Variants in MVB12B observed in about 807,000 individuals in gnomAD.
The protein encoded by MVB12B is multivesicular body subunit 12B, also known as ESCRT-I complex subunit MVB12B.
Under a neutral mutation model 41.6 loss-of-function variants are expected in MVB12B, and 16 were observed. The ratio of observed to expected loss-of-function variants is 0.38; its 90% CI spans 0.26 to 0.58. MVB12B has a LOEUF of 0.58. Ranked by LOEUF, MVB12B falls within the 20% of genes least tolerant of loss-of-function variation. The pLI is 0.62. For missense variants in MVB12B, 274 were observed against 380.2 expected (o/e 0.72, Z 2.32); for synonymous variants, 133 against 139.7 (o/e 0.95, Z 0.34).
At chr9:126,461,350 G>A (rs952627246) in intron 7 of MVB12B, among the ~76,000 whole-genome samples, 6 of 151,996 alleles carry the variant, frequency 3.9e-5, no homozygotes, top group Non-Finnish European at 8.8e-5. Context: ...TAAAACAATC[G>A]AGAAACAATT....
chr9:126,390,689 G>T (rs777988478), intron 4 of MVB12B, among the ~76,000 whole-genome samples: 1 of 152,140 alleles, frequency 6.6e-6, no homozygotes. Context: ...GGCCAGGCGC[G>T]GTGGCTCACG....
At chr9:126,359,737 C>T (rs1005681491) in intron 2 of MVB12B, among the ~76,000 whole-genome samples, 7 of 152,128 alleles carry the variant, frequency 4.6e-5, no homozygotes, top group Non-Finnish European at 7.4e-5. Context: ...AGAATGTACT[C>T]TCTTTTATTC....
chr9:126,470,643 GCT>G (rs1554783713), intron 7 of MVB12B, among the ~76,000 whole-genome samples: 1 of 76,898 alleles, frequency 1.3e-5, no homozygotes, highest in South Asian at 6.2e-4. Flanking sequence ...AGGAGTCAGT[GCT>G]CTGTGTGTGT....
chr9:126,328,570 T>A (rs1159745999), intron 1 of MVB12B, among the ~76,000 whole-genome samples: 3 of 152,186 alleles, frequency 2.0e-5, no homozygotes, highest in African/African-American at 7.2e-5. Flanking sequence ...AGTTTCAGTT[T>A]CCTCATCTGT....
chr9:126,434,867 G>A (rs1187926966), intron 7 of MVB12B, among the ~76,000 whole-genome samples: 1 of 152,148 alleles, frequency 6.6e-6, no homozygotes, highest in African/African-American at 2.4e-5. Context: ...GGAGTTCAGG[G>A]TTCATTCTGG....
intron 7 of MVB12B, among the ~76,000 whole-genome samples, chr9:126,430,280 C>T (rs1832295508): frequency 6.6e-6 from 1 of 152,162 alleles, no homozygotes; most frequent in East Asian, 1.9e-4. Flanking sequence ...ACAACCAGCC[C>T]CACCCGTGTC....
intron 3 of MVB12B, among the ~76,000 whole-genome samples, chr9:126,382,963 G>A (rs1830675848): frequency 6.6e-6 from 1 of 152,178 alleles, no homozygotes; most frequent in East Asian, 1.9e-4. Context: ...AGAGGACAAG[G>A]GCAGTGTGAA....
At position 126,503,368 on chromosome 9, in the gene MVB12B, C is replaced by T; in HGVS notation, c.*105C>T. ...CCGCCTCCGCCAGCCCTCCCTCCCACACTGCCCCAGCAGGGCTGGCCCGGA... is the reference window on the plus strand; with the variant it reads ...CCGCCTCCGCCAGCCCTCCCTCCCATACTGCCCCAGCAGGGCTGGCCCGGA... On this transcript the variant is annotated 3_prime_UTR_variant, in exon 10 of 10. Transcript: ENST00000361171. 1 of 934,338 alleles carries T rather than the reference C, an allele frequency of 1.1e-6. No individual in the cohort carries two copies. The highest frequency in any genetic ancestry group is 1.6e-6 in the Non-Finnish European group (1 of 618,804). The allele number at this position is 934,338 out of a possible 1,614,324, so 57.9% of individuals were successfully genotyped here. A position where few individuals can be genotyped will look rare whatever the true frequency, so the allele number is the denominator to read the frequency against.
chr9:126,492,098 C>T (rs928348030), intron 9 of MVB12B, among the ~76,000 whole-genome samples: 3 of 144,444 alleles, frequency 2.1e-5, no homozygotes, highest in Admixed American at 1.4e-4. Context: ...CCTCCCCCTC[C>T]GTCCACTCCT....
intron 9 of MVB12B, among the ~76,000 whole-genome samples, chr9:126,487,380 C>T (rs1439372732): frequency 6.6e-6 from 1 of 152,194 alleles, no homozygotes; most frequent in African/African-American, 2.4e-5. Flanking sequence ...TTCCACTGTC[C>T]CGCTGCTCTG....
intron 9 of MVB12B, among the ~76,000 whole-genome samples, chr9:126,498,288 C>T (rs1219213786): frequency 6.6e-6 from 1 of 152,170 alleles, no homozygotes; most frequent in African/African-American, 2.4e-5. Flanking sequence ...GAGAAGCAGA[C>T]AGGTGGGGCT....
intron 1 of MVB12B, among the ~76,000 whole-genome samples, chr9:126,332,710 ACCCCTTTATGTGCCCTCT>A (rs1439570261): frequency 1.2e-5 from 1 of 81,126 alleles, no homozygotes; most frequent in Non-Finnish European, 2.5e-5. Context: ...ATGTGGCCCC[ACCCCTTTATGTGCCCTCT>A]CCCCTTTATG....
At chr9:126,357,605 CT>C (rs59206270) in intron 2 of MVB12B, among the ~76,000 whole-genome samples, 4,031 of 142,506 alleles carry the variant, frequency 0.028, 102 homozygotes, top group East Asian at 0.068. Context: ...TGATTTTGAG[CT>C]TTTTTTTTTT....
chr9:126,401,288 C>T (rs1029450648), intron 6 of MVB12B, among the ~76,000 whole-genome samples: 3 of 152,178 alleles, frequency 2.0e-5, no homozygotes, highest in African/African-American at 7.2e-5. Flanking sequence ...CTGGGTTGCC[C>T]GTAGGAGGTG....
chr9:126,484,086 C>T lies in MVB12B; in HGVS notation c.873+54C>T, dbSNP rs543051701. On this transcript the variant is annotated intron_variant, in intron 9 of 9. Transcript: ENST00000361171. Reference sequence around the variant, plus strand: ...CAGGCCTGGGCCATCGCCTGCACACCGGCGTCTCTCGTGTGTTCCCCTAGG... The same window carrying T: ...CAGGCCTGGGCCATCGCCTGCACACTGGCGTCTCTCGTGTGTTCCCCTAGG... 112 of 1,528,340 alleles carry T rather than the reference C, an allele frequency of 7.3e-5. 1 individual carries two copies. The South Asian group carries it at 7.8e-4, about 11-fold the overall frequency. 94.7% of individuals were successfully genotyped at this position (1,528,340 alleles called of 1,614,324 possible).
intron 2 of MVB12B, among the ~76,000 whole-genome samples, chr9:126,368,493 A>G (rs1830243927): frequency 6.6e-6 from 1 of 152,228 alleles, no homozygotes; most frequent in South Asian, 2.1e-4. Flanking sequence ...ATACCGTGGT[A>G]GAGAGAGGGT....
At chr9:126,450,310 C>T (rs565884456) in intron 7 of MVB12B, among the ~76,000 whole-genome samples, 1 of 152,382 alleles carries the variant, frequency 6.6e-6, no homozygotes, top group South Asian at 2.1e-4. Flanking sequence ...GCTTCCAGAT[C>T]TGTCCGGGGA....
chr9:126,337,863 C>G (rs1463828336), intron 1 of MVB12B, among the ~76,000 whole-genome samples: 1 of 152,216 alleles, frequency 6.6e-6, no homozygotes, highest in Admixed American at 6.5e-5. Context: ...GAGTCCTTAG[C>G]CGCGGGGCCA....
At chr9:126,378,256 C>T (rs73670806) in intron 2 of MVB12B, among the ~76,000 whole-genome samples, 12,476 of 152,294 alleles carry the variant, frequency 0.082, 571 homozygotes, top group Non-Finnish European at 0.11. Flanking sequence ...GTGGAGGCTC[C>T]TCTTGACACT....
Sources: gnomAD v4.1 joint callset for allele counts (sites outside exome capture counted in the v4.1 genomes callset) on GRCh38, gnomAD v4.1.1 for gene constraint, MANE v1.5 for transcripts, NCBI Gene and HGNC (gene_info 2026-07-23, HGNC 2026-07-21) for gene names.